PTPRD: variants seen among roughly 807,000 people sequenced by gnomAD.
PTPRD encodes the protein protein tyrosine phosphatase receptor type D.
In PTPRD, 34 loss-of-function variants were observed where a neutral mutation model predicts 214.5. The ratio of observed to expected loss-of-function variants is 0.16; its 90% CI spans 0.12 to 0.21. The LOEUF (loss-of-function observed/expected upper bound fraction) is 0.21, where lower values mean the gene tolerates loss of function less well. Ranked by LOEUF, PTPRD falls within the 10% of genes least tolerant of loss-of-function variation. The probability of loss-of-function intolerance (pLI) is 1.00; values close to 1 mark genes in which losing one functional copy is unlikely to be tolerated. For synonymous variants in PTPRD, 1,128 were observed against 845.7 expected (o/e 1.33, Z -5.79); for missense variants, 2,545 against 2,398.7 (o/e 1.06, Z -1.27).
intron 7 of PTPRD, among the ~76,000 whole-genome samples, chr9:9,586,294 C>T (rs1247103273): frequency 6.6e-6 from 1 of 151,990 alleles, no homozygotes; most frequent in Non-Finnish European, 1.5e-5. Context: ...CATCCTTCTA[C>T]AACCAAAGAA....
chr9:9,858,801 A>C (rs1464605495), intron 5 of PTPRD, among the ~76,000 whole-genome samples: 1 of 152,240 alleles, frequency 6.6e-6, no homozygotes, highest in Non-Finnish European at 1.5e-5. Flanking sequence ...AGTTACTTTT[A>C]GACCCAAATC....
chr9:10,304,460 G>A (rs971302000), intron 3 of PTPRD, among the ~76,000 whole-genome samples: 1 of 152,124 alleles, frequency 6.6e-6, no homozygotes, highest in African/African-American at 2.4e-5. Flanking sequence ...TGGGAAGAGA[G>A]GAAGTCAAAT....
At chr9:9,793,916 C>A (rs142453460) in intron 5 of PTPRD, among the ~76,000 whole-genome samples, 2 of 152,014 alleles carry the variant, frequency 1.3e-5, no homozygotes, top group African/African-American at 4.8e-5. Context: ...TGAAATTCAA[C>A]CCACTACTTC....
chr9:10,195,098 ATTTTTTTT>A (rs34900305), intron 3 of PTPRD, among the ~76,000 whole-genome samples: 7 of 97,910 alleles, frequency 7.1e-5, no homozygotes, highest in Admixed American at 1.3e-4. Context: ...ATACCCGGCT[ATTTTTTTT>A]TTTTTTTTTT....
At chr9:8,502,863 TACACAC>T (rs930679314) in intron 23 of PTPRD, among the ~76,000 whole-genome samples, 1 of 150,350 alleles carries the variant, frequency 6.7e-6, no homozygotes, top group African/African-American at 2.4e-5. Flanking sequence ...TATATATATA[TACACAC>T]ACACACATAT....
At chr9:10,008,518 G>A (rs2096534138) in intron 4 of PTPRD, among the ~76,000 whole-genome samples, 1 of 151,996 alleles carries the variant, frequency 6.6e-6, no homozygotes, top group African/African-American at 2.4e-5. Context: ...TATGTAACAT[G>A]CATGTTTGCT....
chr9:10,428,690 G>T (rs528677625), intron 2 of PTPRD, among the ~76,000 whole-genome samples: 1 of 152,128 alleles, frequency 6.6e-6, no homozygotes, highest in Non-Finnish European at 1.5e-5. Context: ...GCAAAAATCT[G>T]CTTAGCCAAA....
At chr9:9,507,534 T>C (rs941795655) in intron 8 of PTPRD, among the ~76,000 whole-genome samples, 2 of 151,210 alleles carry the variant, frequency 1.3e-5, no homozygotes, top group Non-Finnish European at 3.0e-5. Flanking sequence ...TTTCTACCCA[T>C]GGAAAGGGAG....
At chr9:9,515,234 G>T (rs541902430) in intron 8 of PTPRD, among the ~76,000 whole-genome samples, 5 of 152,024 alleles carry the variant, frequency 3.3e-5, no homozygotes, top group African/African-American at 9.6e-5. Flanking sequence ...GTCTGCCTCC[G>T]CACATACCAT....
chr9:8,548,587 C>T (rs1341168347), intron 14 of PTPRD, among the ~76,000 whole-genome samples: 5 of 149,814 alleles, frequency 3.3e-5, no homozygotes, highest in Admixed American at 1.3e-4. Context: ...AGGCTGTTCT[C>T]GAACTCCTGA....
At chr9:8,576,180 T>A (rs1477049094) in intron 14 of PTPRD, among the ~76,000 whole-genome samples, 1 of 152,204 alleles carries the variant, frequency 6.6e-6, no homozygotes, top group Non-Finnish European at 1.5e-5. Flanking sequence ...TGCACACTTT[T>A]CAACCAATTG....
At chr9:10,168,331 G>T (rs551374889) in intron 3 of PTPRD, among the ~76,000 whole-genome samples, 22 of 151,890 alleles carry the variant, frequency 1.4e-4, no homozygotes, top group African/African-American at 4.8e-4. Flanking sequence ...TTACTAATTT[G>T]ATTTAAAAAT....
chr9:8,935,673 G>C (rs2098992019), intron 11 of PTPRD, among the ~76,000 whole-genome samples: 1 of 152,140 alleles, frequency 6.6e-6, no homozygotes, highest in Non-Finnish European at 1.5e-5. Flanking sequence ...TGCTTCACTG[G>C]GGAAGGCCCC....
chr9:8,526,245 T>C lies in PTPRD; in HGVS notation c.568+382A>G, dbSNP rs1440217862. 7.1e-5 allele frequency among the ~76,000 whole-genome samples: 10 copies of C among 141,154 alleles called. No individual in the cohort carries two copies. The South Asian group carries it at 2.3e-3, about 32-fold the overall frequency. The allele number at this position is 141,154 out of a possible 152,430, so 92.6% of individuals were successfully genotyped here. On this transcript the variant is annotated intron_variant, in intron 17 of 45. Transcript: ENST00000381196. ...AAAAATGATCTTTTTTTTTCTCCGG[T>C]TGGACAAAAAAAAAGGAAAAAGAAG...
At chr9:8,795,507 A>G (rs2096387678) in intron 11 of PTPRD, among the ~76,000 whole-genome samples, 1 of 152,190 alleles carries the variant, frequency 6.6e-6, no homozygotes, top group South Asian at 2.1e-4. Flanking sequence ...ATTACACAAA[A>G]GAAAGTATGA....
rs537546205 is a variant in PTPRD at position 8,379,639 on chromosome 9, G to A, written c.4387-2913C>T. ...TTTGACAACTTTCCTTCCCCTACTC[G>A]GTCTTCTTAAGAGAAAATATCATAA... On this transcript the variant is annotated intron_variant, in intron 37 of 45. Coordinates refer to ENST00000381196, the MANE Select transcript of PTPRD (RefSeq NM_002839.4). 1.1e-3 allele frequency among the ~76,000 whole-genome samples: 164 copies of A among 151,984 alleles called. 1 individual carries two copies. The highest frequency in any genetic ancestry group is 3.7e-3 in the African/African-American group (153 of 41,444).
intron 18 of PTPRD, among the ~76,000 whole-genome samples, chr9:8,524,607 G>C (rs573248391): frequency 5.3e-4 from 80 of 152,144 alleles, no homozygotes; most frequent in African/African-American, 1.8e-3. Context: ...CAGAAAAAAA[G>C]AGAAAGAAAA....
intron 8 of PTPRD, among the ~76,000 whole-genome samples, chr9:9,467,417 T>A (rs986832104): frequency 3.3e-5 from 5 of 150,560 alleles, no homozygotes; most frequent in Non-Finnish European, 7.4e-5. Context: ...GTGAAATCTG[T>A]CTCTACTAAA....
chr9:8,826,934 A>C (rs2097187749), intron 11 of PTPRD, among the ~76,000 whole-genome samples: 1 of 152,028 alleles, frequency 6.6e-6, no homozygotes. Flanking sequence ...ATTCCTTGAC[A>C]CATGTTTCTC....
Sources: allele counts gnomAD v4.1 joint callset (sites outside exome capture counted in the v4.1 genomes callset), GRCh38; gene constraint gnomAD v4.1.1; transcripts MANE v1.5; gene names NCBI Gene and HGNC (gene_info 2026-07-23, HGNC 2026-07-21).